The following PCDHGA1 variants were observed in gnomAD, a reference collection of about 807,000 sequenced individuals.
The protein encoded by PCDHGA1 is protocadherin gamma-A1.
A neutral mutation model predicts 58.0 loss-of-function variants in PCDHGA1; 32 were observed. That is an observed-to-expected ratio of 0.55 (90% CI 0.42 to 0.74). The LOEUF (loss-of-function observed/expected upper bound fraction) is 0.74, where lower values mean the gene tolerates loss of function less well. Ranked by LOEUF, PCDHGA1 falls within the 30% of genes least tolerant of loss-of-function variation. PCDHGA1 has a pLI of 0.00. For missense variants in PCDHGA1, 1,205 were observed against 1,182.3 expected, an observed-to-expected ratio of 1.02 and a Z score of -0.28; for synonymous variants, 498 against 501.1, an observed-to-expected ratio of 0.99 and a Z score of 0.08.
chr5:141,460,097 G>A (rs2098982102), intron 1 of PCDHGA1, among the ~76,000 whole-genome samples: 2 of 151,812 alleles, frequency 1.3e-5, no homozygotes, highest in African/African-American at 2.4e-5. Context: ...AATTATACAT[G>A]TAATTATATA....
At chr5:141,353,403 T>A (rs1413165994) in intron 1 of PCDHGA1, among the ~76,000 whole-genome samples, 1 of 152,242 alleles carries the variant, frequency 6.6e-6, no homozygotes, top group Non-Finnish European at 1.5e-5. Context: ...ATTAATGTAA[T>A]CTTCATCAAT....
At chr5:141,388,940 C>A (rs762814414) in intron 1 of PCDHGA1, 1 of 1,613,966 alleles carries the variant, frequency 6.2e-7, no homozygotes, top group South Asian at 1.1e-5. Context: ...CTCTACCCAA[C>A]CTAATTATGG....
rs763315667 is a variant in PCDHGA1 at position 141,371,544 on chromosome 5, T to C, written c.2421+38439T>C. Reference sequence around the variant, plus strand: ...TTCTGGATTTAATGGAGAAATCCTATGCCAACTAAAAGGAAACTTCCCCTT... The same window carrying C: ...TTCTGGATTTAATGGAGAAATCCTACGCCAACTAAAAGGAAACTTCCCCTT... On this transcript the variant is annotated intron_variant, in intron 1 of 3. Transcript: ENST00000517417. 3.1e-6 allele frequency: 5 copies of C among 1,613,692 alleles called. No homozygotes were observed. The Admixed American group carries it at 5.0e-5, about 16-fold the overall frequency.
At chr5:141,345,881 CTT>C (rs1561491076) in intron 1 of PCDHGA1, 1 of 1,613,436 alleles carries the variant, frequency 6.2e-7, no homozygotes, top group Admixed American at 1.7e-5. Context: ...AGCCGGGACT[CTT>C]CTCGGTGGGT....
intron 1 of PCDHGA1, among the ~76,000 whole-genome samples, chr5:141,349,324 C>T (rs1218757042): frequency 6.6e-6 from 1 of 152,156 alleles, no homozygotes. Flanking sequence ...CCCACCTTGG[C>T]CTCCCAAAGT....
chr5:141,392,836 C>G, intron 1 of PCDHGA1: 1 of 1,608,040 alleles, frequency 6.2e-7, no homozygotes, highest in Non-Finnish European at 8.5e-7. Flanking sequence ...CAGAGTCGCC[C>G]CAGACGCGGC....
intron 2 of PCDHGA1, among the ~76,000 whole-genome samples, chr5:141,496,186 G>A (rs879940448): frequency 2.0e-5 from 3 of 152,018 alleles, no homozygotes; most frequent in Non-Finnish European, 4.4e-5. Flanking sequence ...AGCAGCCCCA[G>A]CTGCTCATTT....
rs753268902 is a variant in PCDHGA1, at chr5:141,340,099, T to A, written c.2421+6994T>A. ...TTTTTAATGTACATGATAGAGACTC[T>A]GGGCAGAACGCATTCACCACCTGTT... is the stretch of plus-strand genomic sequence containing the variant. On this transcript the variant is annotated intron_variant, in intron 1 of 3. Coordinates refer to ENST00000517417, the MANE Select transcript of PCDHGA1 (RefSeq NM_018912.3). The A allele has an allele frequency of 5.6e-6, 9 of 1,614,100 alleles. No homozygotes were observed. In the South Asian group the frequency reaches 9.9e-5, roughly 18 times the overall value.
At chr5:141,368,326 T>C (rs1444418576) in intron 1 of PCDHGA1, among the ~76,000 whole-genome samples, 2 of 152,122 alleles carry the variant, frequency 1.3e-5, no homozygotes, top group Non-Finnish European at 2.9e-5. Context: ...TTCAAGTATA[T>C]CTATATCTAT....
At chr5:141,415,189 A>G (rs575244490) in intron 1 of PCDHGA1, 2 of 1,613,958 alleles carry the variant, frequency 1.2e-6, no homozygotes, top group Non-Finnish European at 1.7e-6. Context: ...GGCCGACAGC[A>G]TCCCCCAAGT....
chr5:141,375,812 C>G, intron 1 of PCDHGA1: 1 of 1,614,208 alleles, frequency 6.2e-7, no homozygotes, highest in Non-Finnish European at 8.5e-7. Flanking sequence ...TGGCGTGGAG[C>G]TGGCGCCCCG....
intron 1 of PCDHGA1, chr5:141,385,044 G>T: frequency 1.9e-6 from 3 of 1,614,146 alleles, no homozygotes; most frequent in South Asian, 2.2e-5. Context: ...TGGCGCTCAG[G>T]CTGCGGCGCT....
At chr5:141,403,171 G>C (rs542727163) in intron 1 of PCDHGA1, 1 of 1,614,042 alleles carries the variant, frequency 6.2e-7, no homozygotes, top group Admixed American at 1.7e-5. Flanking sequence ...GTAGGACGCA[G>C]CTTTTCTCTC....
chr5:141,461,648 A>G (rs910827619), intron 1 of PCDHGA1, among the ~76,000 whole-genome samples: 2 of 152,070 alleles, frequency 1.3e-5, no homozygotes, highest in South Asian at 2.1e-4. Context: ...TCTTTGACCC[A>G]TGGATTATTT....
Position 141,490,973 on chromosome 5 carries a change from G to A in PCDHGA1, c.2422-3834G>A, listed in dbSNP as rs774983500. 5.0e-6 allele frequency: 8 copies of A among 1,613,932 alleles called. No homozygotes were observed. The highest frequency in any genetic ancestry group is 2.2e-5 in the East Asian group (1 of 44,878). On this transcript the variant is annotated intron_variant, in intron 1 of 3. Transcript: ENST00000517417. The surrounding 1 kb of genome is among the most constrained non-coding windows in gnomAD (Gnocchi z 5.4). ...GACTGGGAACACTCAGCCCCCCAGC[G>A]TCTCCCTCGCTCTGCTCCTCCTGGC...
chr5:141,390,286 G>A (rs1043842292), intron 1 of PCDHGA1: 2 of 1,613,848 alleles, frequency 1.2e-6, no homozygotes, highest in Non-Finnish European at 1.7e-6. Flanking sequence ...CATCAGGTGA[G>A]TTTCCTTTAA....
chr5:141,422,775 T>G (rs1179216247), intron 1 of PCDHGA1: 1 of 1,614,046 alleles, frequency 6.2e-7, no homozygotes, highest in Non-Finnish European at 8.5e-7. Context: ...GTGTTCTCTA[T>G]GCCCTACAAT....
intron 1 of PCDHGA1, chr5:141,338,835 A>G: frequency 1.4e-6 from 2 of 1,393,272 alleles, no homozygotes; most frequent in Non-Finnish European, 9.3e-7. Context: ...AAAGAAATTC[A>G]GTCGAACAGC....
intron 1 of PCDHGA1, chr5:141,417,739 C>T: frequency 6.4e-6 from 9 of 1,411,706 alleles, no homozygotes; most frequent in Non-Finnish European, 5.6e-6. Flanking sequence ...GCCCAGCACA[C>T]CAGATTGCCA....
Sources: allele counts gnomAD v4.1 joint callset (sites outside exome capture counted in the v4.1 genomes callset), GRCh38; gene constraint gnomAD v4.1.1; non-coding constraint Gnocchi (gnomAD v3.1); transcripts MANE v1.5; gene names NCBI Gene and HGNC (gene_info 2026-07-23, HGNC 2026-07-21).